COL26A1: variants seen among roughly 807,000 people sequenced by gnomAD.
COL26A1 encodes collagen type XXVI alpha 1 chain, also known as collagen alpha-1(XXVI) chain.
Under a neutral mutation model 59.3 loss-of-function variants are expected in COL26A1, and 41 were observed. The observed-to-expected ratio is 0.69, with a 90% CI of 0.54 to 0.90. The LOEUF is 0.90. COL26A1 is among the 40% of genes least tolerant of loss of function. The pLI is 0.00. For synonymous variants in COL26A1, 266 were observed against 256.0 expected (o/e 1.04, Z -0.37); for missense variants, 612 against 602.3 (o/e 1.02, Z -0.17).
chr7:101,383,305 A>G (rs1791490350), intron 1 of COL26A1, among the ~76,000 whole-genome samples: 1 of 151,874 alleles, frequency 6.6e-6, no homozygotes, highest in Non-Finnish European at 1.5e-5. Flanking sequence ...TTTTTTAGGT[A>G]GTTCTCTAGG....
At chr7:101,393,606 C>G (rs1488552185) in intron 1 of COL26A1, among the ~76,000 whole-genome samples, 1 of 152,174 alleles carries the variant, frequency 6.6e-6, no homozygotes, top group African/African-American at 2.4e-5. Context: ...TCAATCCAAT[C>G]AAGTTGACAC....
In COL26A1 at chr7:101,405,901, C is replaced by G. The variant is rs375011051; in HGVS notation, c.159-14076C>G. Among the ~76,000 whole-genome samples the G allele has an allele frequency of 5.3e-5, 8 of 152,306 alleles. No individual in the cohort carries two copies. In the East Asian group the frequency reaches 7.7e-4, roughly 15 times the overall value. On this transcript the variant is annotated intron_variant, in intron 1 of 12. Coordinates refer to ENST00000313669, the MANE Select transcript of COL26A1 (RefSeq NM_001278563.3). The stretch of plus-strand genomic sequence containing the variant: ...GCCGATGCTGCCTGTGGGGCTGGCT[C>G]TCAGGTGGGGTGGGCCCCAAAATTC...
chr7:101,507,332 A>T (rs1794833076), intron 3 of COL26A1, among the ~76,000 whole-genome samples: 1 of 152,262 alleles, frequency 6.6e-6, no homozygotes, highest in Middle Eastern at 3.4e-3. Flanking sequence ...ACCCTGTTGC[A>T]AGGGATCCCC....
At chr7:101,396,425 C>G (rs1324786918) in intron 1 of COL26A1, among the ~76,000 whole-genome samples, 2 of 152,122 alleles carry the variant, frequency 1.3e-5, no homozygotes, top group Non-Finnish European at 2.9e-5. Flanking sequence ...TACTCCAAGC[C>G]CCATAGAGCT....
intron 1 of COL26A1, among the ~76,000 whole-genome samples, chr7:101,379,035 T>G (rs1486734030): frequency 6.6e-6 from 1 of 152,132 alleles, no homozygotes; most frequent in Non-Finnish European, 1.5e-5. Flanking sequence ...AGTTTCCTTC[T>G]GATTTGGCTC....
At chr7:101,456,490 C>T (rs533611003) in intron 3 of COL26A1, among the ~76,000 whole-genome samples, 4 of 152,118 alleles carry the variant, frequency 2.6e-5, no homozygotes, top group Non-Finnish European at 5.9e-5. Context: ...CATGGAGAAA[C>T]CTCGTCTCTA....
At chr7:101,493,634 A>T (rs1272179118) in intron 3 of COL26A1, among the ~76,000 whole-genome samples, 1 of 151,958 alleles carries the variant, frequency 6.6e-6, no homozygotes, top group East Asian at 1.9e-4. Flanking sequence ...TTAAAAAATC[A>T]AATTATGGCC....
intron 8 of COL26A1, 41 bp downstream of exon 8, chr7:101,547,280 C>A: frequency 7.0e-7 from 1 of 1,434,366 alleles, no homozygotes; most frequent in Non-Finnish European, 9.6e-7. Context: ...GGACTCCATC[C>A]CCCCAGGGCT....
intron 6 of COL26A1, among the ~76,000 whole-genome samples, chr7:101,544,635 C>G (rs1335132688): frequency 6.6e-6 from 1 of 150,456 alleles, no homozygotes; most frequent in Non-Finnish European, 1.5e-5. Context: ...CAGGTTCAAG[C>G]AACTGTCCTG....
chr7:101,509,369 C>G (rs1226383587), intron 3 of COL26A1, among the ~76,000 whole-genome samples: 1 of 152,058 alleles, frequency 6.6e-6, no homozygotes, highest in Non-Finnish European at 1.5e-5. Context: ...TAGCTTGAAC[C>G]TGGGAGGCGG....
intron 3 of COL26A1, among the ~76,000 whole-genome samples, chr7:101,488,377 TAC>T (rs1329856993): frequency 0.041 from 1,902 of 45,858 alleles, 19 homozygotes; most frequent in African/African-American, 0.057. Flanking sequence ...TATATATATA[TAC>T]ACACACATTT....
At chr7:101,492,334 C>A (rs1171435725) in intron 3 of COL26A1, among the ~76,000 whole-genome samples, 1 of 152,026 alleles carries the variant, frequency 6.6e-6, no homozygotes, top group East Asian at 1.9e-4. Flanking sequence ...GTGTGGTGGG[C>A]AAACCATGGC....
intron 3 of COL26A1, among the ~76,000 whole-genome samples, chr7:101,449,471 T>C (rs1228937966): frequency 2.0e-5 from 3 of 152,270 alleles, no homozygotes; most frequent in African/African-American, 4.8e-5. Flanking sequence ...CAGTGATCAA[T>C]AAAATCAGCA....
chr7:101,557,373 C>T lies in COL26A1; in HGVS notation c.1169C>T (p.Pro390Leu), dbSNP rs745364304. Reference protein sequence around the residue: ...ILEHMIGIHDPLASPEGGSGQ... With the variant: ...ILEHMIGIHDLLASPEGGSGQ... Reference sequence around the variant, plus strand: ...CACCCTCCTGCTCTCCTTCCAGATCCCCTGGCCTCCCCAGAGGGAGGTTCT... The same window carrying T: ...CACCCTCCTGCTCTCCTTCCAGATCTCCTGGCCTCCCCAGAGGGAGGTTCT... The change falls in exon 13 of 13, where the codon CCC (proline) becomes CTC (leucine). Residue 390 changes from proline to leucine, a missense_variant. Pro to Leu is a moderately conservative substitution (Grantham distance 98, BLOSUM62 -3). Transcript: ENST00000313669. 4.3e-6 allele frequency: 7 copies of T among 1,612,228 alleles called. No homozygotes were observed. The African/African-American group carries it at 8.0e-5, about 18-fold the overall frequency.
At chr7:101,397,188 C>T (rs527775054) in intron 1 of COL26A1, among the ~76,000 whole-genome samples, 1 of 152,280 alleles carries the variant, frequency 6.6e-6, no homozygotes, top group East Asian at 1.9e-4. Flanking sequence ...CTGTTCTTGT[C>T]ACCTGTGTCA....
intron 1 of COL26A1, among the ~76,000 whole-genome samples, chr7:101,383,246 G>A (rs1194845158): frequency 3.3e-5 from 5 of 151,874 alleles, no homozygotes; most frequent in South Asian, 2.1e-4. Flanking sequence ...GAGGCATGTC[G>A]ATTTTGTATC....
chr7:101,403,055 G>C (rs1035807197), intron 1 of COL26A1, among the ~76,000 whole-genome samples: 1 of 151,944 alleles, frequency 6.6e-6, no homozygotes, highest in Admixed American at 6.6e-5. Flanking sequence ...TATTGCCCAG[G>C]CTGGTCTCAA....
rs990889809 is a variant in COL26A1 at position 101,486,001 on chromosome 7, C to T, written c.385+38214C>T. On this transcript the variant is annotated intron_variant, in intron 3 of 12. Transcript: ENST00000313669. ...CAGCCTGGACAACATGGTGAAACCG[C>T]GTCTCTATTGAAAATAGAAAAATTA... 6.6e-4 allele frequency among the ~76,000 whole-genome samples: 101 copies of T among 151,926 alleles called. 4 individuals carry two copies. Among genetic ancestry groups the T allele is most frequent in the Non-Finnish European group, 2.1e-4 (14 of 67,986 alleles).
At chr7:101,508,383 G>A (rs1006465975) in intron 3 of COL26A1, among the ~76,000 whole-genome samples, 2 of 152,072 alleles carry the variant, frequency 1.3e-5, no homozygotes, top group Non-Finnish European at 2.9e-5. Context: ...TCATCCAGGC[G>A]TGGTGCACAC....
Sources: gnomAD v4.1 joint callset for allele counts (sites outside exome capture counted in the v4.1 genomes callset) on GRCh38, gnomAD v4.1.1 for gene constraint, MANE v1.5 for transcripts, NCBI Gene and HGNC (gene_info 2026-07-23, HGNC 2026-07-21) for gene names.